UNC13C: variants seen among roughly 807,000 people sequenced by gnomAD.
The protein encoded by UNC13C is protein unc-13 homolog C.
Under a neutral mutation model 245.4 loss-of-function variants are expected in UNC13C, and 174 were observed. The ratio of observed to expected loss-of-function variants is 0.71; its 90% CI spans 0.63 to 0.80. The LOEUF (loss-of-function observed/expected upper bound fraction) is 0.80, where lower values mean the gene tolerates loss of function less well. Among genes scored for constraint, UNC13C ranks in the 30% least tolerant of loss-of-function variants. The pLI, the probability that UNC13C is intolerant of heterozygous loss-of-function variation, is 0.00. For missense variants in UNC13C, 2,829 were observed against 2,602.9 expected (o/e 1.09, Z -1.89); for synonymous variants, 992 against 895.1 (o/e 1.11, Z -1.93).
chr15:54,626,770 A>G (rs1901187255), intron 32 of UNC13C, 58 bp from the exon 33 acceptor site: 1 of 1,458,012 alleles, frequency 6.9e-7, no homozygotes, highest in Non-Finnish European at 9.3e-7. Context: ...TGAGAACCAT[A>G]ATGATGCCTA....
At chr15:54,530,598 G>T (rs1488567716) in intron 25 of UNC13C, among the ~76,000 whole-genome samples, 2 of 152,144 alleles carry the variant, frequency 1.3e-5, no homozygotes, top group African/African-American at 2.4e-5. Context: ...AACAGAGATG[G>T]ATAGGAATGC....
At chr15:53,871,100 T>C in the UNC13C span, among the ~76,000 whole-genome samples, 1 of 152,226 alleles carries the variant, frequency 6.6e-6, no homozygotes, top group East Asian at 1.9e-4. Flanking sequence ...TAAATTTGAT[T>C]GCTGTGTGTG....
intron 24 of UNC13C, among the ~76,000 whole-genome samples, chr15:54,518,520 A>G (rs766109331): frequency 2.3e-4 from 35 of 152,146 alleles, no homozygotes; most frequent in Non-Finnish European, 4.9e-4. Context: ...TAATAAATCT[A>G]TTTCATTATC....
At chr15:53,874,503 T>A in the UNC13C span, among the ~76,000 whole-genome samples, 2 of 152,208 alleles carry the variant, frequency 1.3e-5, no homozygotes, top group East Asian at 1.9e-4. Context: ...CTTATGTTAC[T>A]GAAATTGGGC....
At chr15:54,003,610 G>A (rs1215456622) in intron 1 of UNC13C, among the ~76,000 whole-genome samples, 1 of 152,198 alleles carries the variant, frequency 6.6e-6, no homozygotes, top group African/African-American at 2.4e-5. Context: ...GACATGCAAT[G>A]TGTAATAATC....
At chr15:54,338,910 AGG>A (rs1388086333) in intron 17 of UNC13C, among the ~76,000 whole-genome samples, 2 of 152,174 alleles carry the variant, frequency 1.3e-5, no homozygotes, top group Admixed American at 6.5e-5. Flanking sequence ...TCTGTTGCCC[AGG>A]CTGGAGTGCA....
intron 19 of UNC13C, among the ~76,000 whole-genome samples, chr15:54,455,795 A>C (rs956143953): frequency 1.2e-4 from 19 of 152,074 alleles, no homozygotes; most frequent in African/African-American, 3.9e-4. Context: ...ATAGTTTGCA[A>C]AGATTTTCTC....
At chr15:54,406,194 A>T (rs2140937042) in intron 18 of UNC13C, among the ~76,000 whole-genome samples, 1 of 152,340 alleles carries the variant, frequency 6.6e-6, no homozygotes, top group Admixed American at 6.5e-5. Flanking sequence ...CGAAAAGTGG[A>T]GAATTGCGGG....
chr15:54,310,756 ATC>A (rs1210358775), intron 13 of UNC13C, among the ~76,000 whole-genome samples: 1 of 123,464 alleles, frequency 8.1e-6, no homozygotes, highest in Admixed American at 8.9e-5. Flanking sequence ...CTATATCTAT[ATC>A]TATATCTATA....
In UNC13C at chr15:54,408,246, A is replaced by C. The variant is rs528114055; in HGVS notation, c.4848-6736A>C. Among the ~76,000 whole-genome samples the C allele has an allele frequency of 1.3e-4, 19 of 147,342 alleles. No homozygotes were observed. In the South Asian group the frequency reaches 3.9e-3, roughly 31 times the overall value. On this transcript the variant is annotated intron_variant, in intron 18 of 32. Coordinates refer to ENST00000260323, the MANE Select transcript of UNC13C (RefSeq NM_001080534.3). ...AAAAAAAAACATGGGCAAGAACCAT[A>C]GGCTCTGTTTCTGATTCTGTCTTTG...
At chr15:53,868,715 T>G in the UNC13C span, among the ~76,000 whole-genome samples, 1 of 152,192 alleles carries the variant, frequency 6.6e-6, no homozygotes, top group Non-Finnish European at 1.5e-5. Context: ...AGGGAAAAAG[T>G]AAATTTAAGA....
At chr15:54,560,037 T>G (rs1444120273) in intron 29 of UNC13C, among the ~76,000 whole-genome samples, 1 of 152,030 alleles carries the variant, frequency 6.6e-6, no homozygotes, top group African/African-American at 2.4e-5. Context: ...AATAATTTTT[T>G]AAAATATCTG....
intron 2 of UNC13C, among the ~76,000 whole-genome samples, chr15:54,127,430 T>C (rs2141206899): frequency 6.6e-6 from 1 of 152,076 alleles, no homozygotes; most frequent in East Asian, 1.9e-4. Context: ...TTGGAAACCA[T>C]CATTCTCAGC....
rs191648283 is a variant in UNC13C at position 54,492,402 on chromosome 15, A to G, written c.4934-2206A>G. Among the ~76,000 whole-genome samples the G allele has an allele frequency of 1.8e-4, 27 of 152,318 alleles. 1 individual carries two copies. The highest frequency in any genetic ancestry group is 1.0e-3 in the Admixed American group (16 of 15,298). ...GCTAAAATTTAGTTAAACCTCATGT[A>G]TCTAGATTTTAAAAATAAAAACTAT... is the stretch of plus-strand genomic sequence containing the variant. On this transcript the variant is annotated intron_variant, in intron 19 of 32. Coordinates refer to ENST00000260323, the MANE Select transcript of UNC13C (RefSeq NM_001080534.3).
intron 1 of UNC13C, among the ~76,000 whole-genome samples, chr15:53,989,621 A>G (rs1324178563): frequency 1.3e-5 from 2 of 152,058 alleles, no homozygotes; most frequent in Non-Finnish European, 2.9e-5. Context: ...GCCAAATAGA[A>G]TAATATCTGC....
Position 54,176,532 on chromosome 15 carries a change from A to T in UNC13C, c.3071+32848A>T, listed in dbSNP as rs1033835523. 2.6e-5 allele frequency among the ~76,000 whole-genome samples: 4 copies of T among 152,124 alleles called. 1 individual carries two copies. In the South Asian group the frequency reaches 8.3e-4, roughly 32 times the overall value. On this transcript the variant is annotated intron_variant, in intron 4 of 32. Transcript: ENST00000260323. The stretch of plus-strand genomic sequence containing the variant: ...TATTTCTACATATATTACACAAAAA[A>T]TGAAGTAGAAACAATGTTGAATGAC...
At chr15:54,116,737 A>T (rs1328538536) in intron 2 of UNC13C, among the ~76,000 whole-genome samples, 1 of 152,178 alleles carries the variant, frequency 6.6e-6, no homozygotes, top group African/African-American at 2.4e-5. Flanking sequence ...TGCGATAAAC[A>T]TGAGAATGCA....
chr15:54,202,254 C>A (rs890138545), intron 4 of UNC13C, among the ~76,000 whole-genome samples: 8 of 151,946 alleles, frequency 5.3e-5, no homozygotes, highest in African/African-American at 1.9e-4. Flanking sequence ...CAAAAGCAAT[C>A]TACAAATTCG....
At chr15:54,492,648 G>C (rs985130232) in intron 19 of UNC13C, among the ~76,000 whole-genome samples, 3 of 152,226 alleles carry the variant, frequency 2.0e-5, no homozygotes, top group African/African-American at 7.2e-5. Flanking sequence ...AAGTAAGCAA[G>C]TGGGTGCTTG....
Sources: allele counts gnomAD v4.1 joint callset (sites outside exome capture counted in the v4.1 genomes callset), GRCh38; gene constraint gnomAD v4.1.1; transcripts MANE v1.5; gene names NCBI Gene and HGNC (gene_info 2026-07-23, HGNC 2026-07-21).